Variants in RLIG1 observed in about 807,000 individuals in gnomAD.
RLIG1 encodes the protein RNA ligase 1.
chr12:88,045,871 G>T, the RLIG1 span: 2 of 947,892 alleles, frequency 2.1e-6, no homozygotes, highest in South Asian at 1.6e-5. Context: ...ACACACTAAA[G>T]AAATGACTAA....
chr12:88,040,154 A>C, the RLIG1 span: 4 of 1,600,400 alleles, frequency 2.5e-6, no homozygotes, highest in African/African-American at 5.4e-5. Flanking sequence ...TAAGCCATTT[A>C]AAGTTTTGGC....
At chr12:88,043,748 G>A in the RLIG1 span, 2 of 1,427,978 alleles carry the variant, frequency 1.4e-6, no homozygotes, top group African/African-American at 1.4e-5. Flanking sequence ...GCAGTTTTGT[G>A]TTTACTAGTA....
At chr12:88,046,860 C>A in the RLIG1 span, 1 of 1,612,892 alleles carries the variant, frequency 6.2e-7, no homozygotes, top group African/African-American at 1.3e-5. Flanking sequence ...TGGAGCATTT[C>A]AAATAAGAAA....
the RLIG1 span, chr12:88,046,945 T>TCCTTCA: frequency 3.1e-6 from 5 of 1,611,786 alleles, no homozygotes; most frequent in Non-Finnish European, 3.4e-6. Flanking sequence ...GAAGGAATAG[T>TCCTTCA]GTGGCATTGC....
the RLIG1 span, among the ~76,000 whole-genome samples, chr12:88,041,387 C>T: frequency 2.6e-4 from 39 of 152,252 alleles, no homozygotes; most frequent in South Asian, 2.7e-3. Flanking sequence ...TTGACTATTG[C>T]GAATAATGCC....
chr12:88,041,922 A>G, the RLIG1 span: 1 of 152,224 alleles, frequency 6.6e-6, no homozygotes, highest in South Asian at 2.1e-4. Flanking sequence ...GTTAGAATTT[A>G]ACTGCTAAAC....
the RLIG1 span, chr12:88,040,239 C>T: frequency 1.9e-6 from 3 of 1,595,222 alleles, no homozygotes; most frequent in Non-Finnish European, 2.6e-6. Flanking sequence ...GTGGATGGAA[C>T]ATGTTGTTAT....
chr12:88,043,003 C>T, the RLIG1 span: 1 of 691,822 alleles, frequency 1.4e-6, no homozygotes, highest in South Asian at 3.3e-5. Flanking sequence ...TACATTATAT[C>T]CTTCTGTGTA....
the RLIG1 span, among the ~76,000 whole-genome samples, chr12:88,038,033 CA>C: frequency 6.6e-6 from 1 of 151,884 alleles, no homozygotes; most frequent in Non-Finnish European, 1.5e-5. Flanking sequence ...CAAACAAACT[CA>C]AAGGAAAAAC....
At chr12:88,043,602 T>G in the RLIG1 span, 1 of 1,595,500 alleles carries the variant, frequency 6.3e-7, no homozygotes, top group East Asian at 2.3e-5. Flanking sequence ...TTTTTAGAAT[T>G]TTTTTGGAAC....
the RLIG1 span, chr12:88,049,072 G>A: frequency 1.0e-5 from 6 of 574,530 alleles, no homozygotes; most frequent in South Asian, 1.9e-4. Flanking sequence ...AAGTATAAAG[G>A]TACAAGGTAG....
chr12:88,046,691 C>A, the RLIG1 span: 2 of 961,922 alleles, frequency 2.1e-6, no homozygotes, highest in Non-Finnish European at 3.1e-6. Context: ...GGAAACCAAC[C>A]AGCCTTTCTA....
chr12:88,049,492 A>G, the RLIG1 span: 1 of 782,382 alleles, frequency 1.3e-6, no homozygotes, highest in East Asian at 2.7e-5. Context: ...ATTTAATTGT[A>G]AATATGAAAG....
the RLIG1 span, chr12:88,049,360 C>CA: frequency 1.3e-6 from 2 of 1,567,386 alleles, no homozygotes; most frequent in Non-Finnish European, 1.7e-6. Flanking sequence ...TCAATTTCTT[C>CA]AAAAAATGAA....
At chr12:88,038,409 A>C in the RLIG1 span, among the ~76,000 whole-genome samples, 1 of 152,204 alleles carries the variant, frequency 6.6e-6, no homozygotes, top group African/African-American at 2.4e-5. Context: ...TCCTAAATAC[A>C]ACTTTCAAAG....
chr12:88,045,912 C>G, the RLIG1 span: 1 of 671,104 alleles, frequency 1.5e-6, no homozygotes, highest in Non-Finnish European at 2.5e-6. Flanking sequence ...AGGATTATAT[C>G]CATTTCTGTT....
At chr12:88,036,165 C>T in the RLIG1 span, 16 of 1,082,042 alleles carry the variant, frequency 1.5e-5, no homozygotes, top group Non-Finnish European at 2.0e-5. Flanking sequence ...TCTGTCCGAA[C>T]CAGTGGCGGT....
chr12:88,044,216 G>A, the RLIG1 span: 1 of 158,562 alleles, frequency 6.3e-6, no homozygotes, highest in African/African-American at 2.4e-5. Context: ...AGACTGCAGT[G>A]AACCATGATC....
the RLIG1 span, among the ~76,000 whole-genome samples, chr12:88,040,672 C>G: frequency 6.6e-6 from 1 of 152,190 alleles, no homozygotes; most frequent in Non-Finnish European, 1.5e-5. Flanking sequence ...TCTTCCTGCA[C>G]TGATTCCAGG....
Sources: allele counts gnomAD v4.1 joint callset (sites outside exome capture counted in the v4.1 genomes callset), GRCh38; gene constraint gnomAD v4.1.1; transcripts MANE v1.5; gene names NCBI Gene and HGNC (gene_info 2026-07-23, HGNC 2026-07-21).